PCDHGB4: variants seen among roughly 807,000 people sequenced by gnomAD.
PCDHGB4 encodes protocadherin gamma-B4.
A neutral mutation model predicts 60.5 loss-of-function variants in PCDHGB4; 38 were observed. That is an observed-to-expected ratio of 0.63 (90% CI 0.48 to 0.82). PCDHGB4 has a LOEUF of 0.82. Among genes scored for constraint, PCDHGB4 ranks in the 40% least tolerant of loss-of-function variants. The pLI is 0.00. For missense variants in PCDHGB4, 1,109 were observed against 1,209.6 expected (o/e 0.92, Z 1.23); for synonymous variants, 456 against 509.7 (o/e 0.89, Z 1.42).
intron 1 of PCDHGB4, chr5:141,417,855 G>A: frequency 6.5e-7 from 1 of 1,544,918 alleles, no homozygotes. Context: ...GAACCCGAGC[G>A]AACGATGGGA....
At chr5:141,427,901 G>T in intron 1 of PCDHGB4, 1 of 1,572,232 alleles carries the variant, frequency 6.4e-7, no homozygotes. Flanking sequence ...GCTCGCCCGC[G>T]CTCAGCGCCA....
chr5:141,396,902 A>C (rs2093450439), intron 1 of PCDHGB4, among the ~76,000 whole-genome samples: 1 of 152,234 alleles, frequency 6.6e-6, no homozygotes, highest in African/African-American at 2.4e-5. Context: ...TATTATTGGC[A>C]CTTTGCAATT....
intron 1 of PCDHGB4, among the ~76,000 whole-genome samples, chr5:141,467,055 C>CTTTTTTTTTTTTTTTTTTT (rs1193465269): frequency 7.4e-6 from 1 of 134,498 alleles, no homozygotes; most frequent in Non-Finnish European, 1.6e-5. Context: ...TCAATGTTTT[C>CTTTTTTTTTTTTTTTTTTT]TTTTTTTTTT....
At chr5:141,463,834 A>G (rs1212299231) in intron 1 of PCDHGB4, among the ~76,000 whole-genome samples, 4 of 152,108 alleles carry the variant, frequency 2.6e-5, no homozygotes, top group East Asian at 1.9e-4. Flanking sequence ...TCCACTTCCC[A>G]GTTGTTATAG....
Position 141,489,084 on chromosome 5 carries a change from C to CCG in PCDHGB4, c.2398-5723_2398-5722insCG. On this transcript the variant is annotated intron_variant, in intron 1 of 3. Coordinates refer to ENST00000519479, the MANE Select transcript of PCDHGB4 (RefSeq NM_003736.4). The surrounding 1 kb of genome is among the most constrained non-coding windows in gnomAD (Gnocchi z 4.5). ...CTCCCCCCTGCCCACCCCCGCCACT[C>CCG]GGTGACTAAGAACTGCTGCAAGCAG... 9.1e-6 allele frequency: 3 copies of CCG among 329,130 alleles called. No individual in the cohort carries two copies. The highest frequency in any genetic ancestry group is 5.4e-6 in the Non-Finnish European group (1 of 186,464). The allele number at this position is 329,130 out of a possible 1,614,324, so 20.4% of individuals were successfully genotyped here. A position where few individuals can be genotyped will look rare whatever the true frequency, so the allele number is the denominator to read the frequency against.
chr5:141,458,567 TTTTG>T (rs144471304), intron 1 of PCDHGB4, among the ~76,000 whole-genome samples: 42,006 of 151,504 alleles, frequency 0.28, 6,493 homozygotes, highest in African/African-American at 0.43. Context: ...GGTTTTGGGT[TTTTG>T]TTTGTTTGTT....
At chr5:141,406,574 C>A (rs941574087) in intron 1 of PCDHGB4, among the ~76,000 whole-genome samples, 1 of 152,164 alleles carries the variant, frequency 6.6e-6, no homozygotes, top group African/African-American at 2.4e-5. Context: ...CCCTAGTAAA[C>A]CAATTTTTTC....
chr5:141,403,247 A>T, intron 1 of PCDHGB4: 1 of 1,613,910 alleles, frequency 6.2e-7, no homozygotes, highest in Middle Eastern at 1.6e-4. Flanking sequence ...CTGTGCTCAG[A>T]GCCCGCGGTG....
intron 1 of PCDHGB4, chr5:141,410,121 A>G (rs1239244343): frequency 1.9e-6 from 3 of 1,612,642 alleles, no homozygotes; most frequent in Non-Finnish European, 2.5e-6. Flanking sequence ...GCAGCCCGCC[A>G]GCGCCTGCTG....
At chr5:141,436,105 A>G (rs2097796181) in intron 1 of PCDHGB4, among the ~76,000 whole-genome samples, 2 of 152,198 alleles carry the variant, frequency 1.3e-5, no homozygotes, top group African/African-American at 4.8e-5. Context: ...GAAATAGAGG[A>G]CAATGAAACC....
rs1354360582 is a variant in PCDHGB4 at position 141,491,147 on chromosome 5, A to T, written c.2398-3660A>T. On this transcript the variant is annotated intron_variant, in intron 1 of 3. Transcript: ENST00000519479. The surrounding 1 kb of genome is among the most constrained non-coding windows in gnomAD (Gnocchi z 6.9). ...GTGCGCACAGCCCGGGCCTTACTGG[A>T]GGATGACTCTGACACCCAGCAGGTG... The T allele has an allele frequency of 1.9e-6, 3 of 1,613,980 alleles. No homozygotes were observed. The highest frequency in any genetic ancestry group is 2.5e-6 in the Non-Finnish European group (3 of 1,179,994).
chr5:141,393,894 C>G lies in PCDHGB4; in HGVS notation c.2397+3613C>G, dbSNP rs201697840. 1.3e-3 allele frequency: 2,063 copies of G among 1,614,000 alleles called. 4 individuals are homozygous for G. Among genetic ancestry groups the G allele is most frequent in the Non-Finnish European group, 1.6e-3 (1,902 of 1,179,890 alleles). On this transcript the variant is annotated intron_variant, in intron 1 of 3. Transcript: ENST00000519479. ...GTTTAGCCCAGTGTTAGAAAATTCT[C>G]TTCCCGGGACAGTAATTGCCTTCTT...
intron 1 of PCDHGB4, among the ~76,000 whole-genome samples, chr5:141,435,043 C>T (rs2097739230): frequency 1.3e-5 from 2 of 151,658 alleles, no homozygotes; most frequent in African/African-American, 2.4e-5. Flanking sequence ...ATTTTTTTCC[C>T]ATTGACCATG....
At chr5:141,501,423 A>C (rs1195105794) in intron 2 of PCDHGB4, among the ~76,000 whole-genome samples, 1 of 151,966 alleles carries the variant, frequency 6.6e-6, no homozygotes, top group Non-Finnish European at 1.5e-5. Flanking sequence ...AGTTGACTAA[A>C]TGTAGTCCAT....
chr5:141,392,750 G>A lies in PCDHGB4; in HGVS notation c.2397+2469G>A, dbSNP rs561923783. On this transcript the variant is annotated intron_variant, in intron 1 of 3. Coordinates refer to ENST00000519479, the MANE Select transcript of PCDHGB4 (RefSeq NM_003736.4). ...ATTGTCATCTCCATAGCTGCGGCAAGAAACTAAATAAGACCCATTTATGCA... is the reference window on the plus strand; with the variant it reads ...ATTGTCATCTCCATAGCTGCGGCAAAAAACTAAATAAGACCCATTTATGCA... 25 of 1,451,824 alleles carry A rather than the reference G, an allele frequency of 1.7e-5. No homozygotes were observed. In the Admixed American group the frequency reaches 4.2e-4, roughly 24 times the overall value. The allele number at this position is 1,451,824 out of a possible 1,614,324, so 89.9% of individuals were successfully genotyped here.
Position 141,388,064 on chromosome 5 carries a change from G to A in PCDHGB4, c.180G>A (p.Glu60=). The change falls in exon 1 of 4, where the codon GAG becomes GAA. Residue 60 remains glutamate, a synonymous_variant. Coordinates refer to ENST00000519479, the MANE Select transcript of PCDHGB4 (RefSeq NM_003736.4). Reference sequence around the variant, plus strand: ...CGGACCTGGGGTTCAGCGTCCAGGAGTTACCGACTCGAAAACTGCGCGTCA... The same window carrying A: ...CGGACCTGGGGTTCAGCGTCCAGGAATTACCGACTCGAAAACTGCGCGTCA... ...LATDLGFSVQ[E]LPTRKLRVSS... 1 of 1,376,092 alleles carries A rather than the reference G, an allele frequency of 7.3e-7. No homozygotes were observed. The highest frequency in any genetic ancestry group is 1.3e-5 in the South Asian group (1 of 74,830). 85.2% of individuals were successfully genotyped at this position (1,376,092 alleles called of 1,614,324 possible). A position where few individuals can be genotyped will look rare whatever the true frequency, so the allele number is the denominator to read the frequency against.
intron 1 of PCDHGB4, chr5:141,423,007 G>A: frequency 6.2e-7 from 1 of 1,614,242 alleles, no homozygotes; most frequent in Non-Finnish European, 8.5e-7. Flanking sequence ...CAAGGTGGTT[G>A]CGGTGGACAA....
In PCDHGB4 at chr5:141,392,927, G is replaced by C. The variant is rs758960557; in HGVS notation, c.2397+2646G>C. The C allele has an allele frequency of 5.6e-6, 9 of 1,613,832 alleles. No homozygotes were observed. In the East Asian group the frequency reaches 2.0e-4, roughly 36 times the overall value. On this transcript the variant is annotated intron_variant, in intron 1 of 3. Coordinates refer to ENST00000519479, the MANE Select transcript of PCDHGB4 (RefSeq NM_003736.4). Reference sequence around the variant, plus strand: ...AGATTCGCTACTCTGTGCCAGAAGAGACGGACAAAGGCTCCTTCGTGGGTA... The same window carrying C: ...AGATTCGCTACTCTGTGCCAGAAGACACGGACAAAGGCTCCTTCGTGGGTA...
chr5:141,393,007 G>A (rs1486010375), intron 1 of PCDHGB4: 3 of 1,613,850 alleles, frequency 1.9e-6, no homozygotes, highest in East Asian at 2.2e-5. Context: ...CACGGAGTCC[G>A]TATCGTCTCC....
Sources: gnomAD v4.1 joint callset for allele counts (sites outside exome capture counted in the v4.1 genomes callset) on GRCh38, gnomAD v4.1.1 for gene constraint, Gnocchi (gnomAD v3.1) non-coding constraint, MANE v1.5 for transcripts, NCBI Gene and HGNC (gene_info 2026-07-23, HGNC 2026-07-21) for gene names.